SPMIP2: variants seen among roughly 807,000 people sequenced by gnomAD.
The protein encoded by SPMIP2 is protein SPMIP2.
the SPMIP2 span, among the ~76,000 whole-genome samples, chr4:158,899,405 T>G: frequency 6.6e-6 from 1 of 152,214 alleles, no homozygotes; most frequent in African/African-American, 2.4e-5. Context: ...TTTCTATTGT[T>G]TGGAATAGTT....
At chr4:159,060,911 C>G in the SPMIP2 span, among the ~76,000 whole-genome samples, 1 of 151,840 alleles carries the variant, frequency 6.6e-6, no homozygotes, top group Non-Finnish European at 1.5e-5. Flanking sequence ...ATGGCAAAAT[C>G]CTATATTAAG....
chr4:158,906,231 G>A, the SPMIP2 span: 4 of 152,120 alleles, frequency 2.6e-5, no homozygotes, highest in African/African-American at 9.7e-5. Flanking sequence ...GAGAGAGAAG[G>A]AACCTCACCT....
chr4:158,969,115 T>G, the SPMIP2 span, among the ~76,000 whole-genome samples: 1 of 152,260 alleles, frequency 6.6e-6, no homozygotes, highest in Non-Finnish European at 1.5e-5. Flanking sequence ...TGAGTCATCA[T>G]GTCCAGTGTA....
the SPMIP2 span, among the ~76,000 whole-genome samples, chr4:159,000,892 A>G: frequency 6.6e-6 from 1 of 152,212 alleles, no homozygotes; most frequent in Admixed American, 6.6e-5. Flanking sequence ...TATTGTACAG[A>G]TATGTAACAT....
chr4:158,996,762 G>A, the SPMIP2 span, among the ~76,000 whole-genome samples: 1 of 152,162 alleles, frequency 6.6e-6, no homozygotes, highest in Non-Finnish European at 1.5e-5. Flanking sequence ...ATACAATGAT[G>A]TTCAAGAGGG....
chr4:158,945,564 T>C, the SPMIP2 span, among the ~76,000 whole-genome samples: 2 of 152,332 alleles, frequency 1.3e-5, no homozygotes, highest in African/African-American at 4.8e-5. Context: ...ACTCTCTTTC[T>C]ATTAATAATT....
chr4:158,963,979 C>T, the SPMIP2 span, among the ~76,000 whole-genome samples: 6 of 151,922 alleles, frequency 3.9e-5, no homozygotes, highest in East Asian at 7.7e-4. Context: ...TACGGTGAAA[C>T]CCCAGCTCTA....
At chr4:159,072,581 G>A in the SPMIP2 span, among the ~76,000 whole-genome samples, 2 of 149,388 alleles carry the variant, frequency 1.3e-5, no homozygotes, top group African/African-American at 4.9e-5. Flanking sequence ...TCCTGCCTCA[G>A]CTCCCCGAGC....
At chr4:158,976,055 G>A in the SPMIP2 span, among the ~76,000 whole-genome samples, 1,526 of 152,140 alleles carry the variant, frequency 0.01, 25 homozygotes, top group African/African-American at 0.034. Context: ...TATTCTCTTT[G>A]TAGCAATTGT....
the SPMIP2 span, among the ~76,000 whole-genome samples, chr4:159,005,170 CGA>C: frequency 1.9e-5 from 2 of 103,080 alleles, no homozygotes; most frequent in Non-Finnish European, 3.9e-5. Context: ...TGCAGTGAGC[CGA>C]GATCGCGCCA....
chr4:158,921,962 A>C, the SPMIP2 span, among the ~76,000 whole-genome samples: 1 of 140,704 alleles, frequency 7.1e-6, no homozygotes. Context: ...ATCTTGGCTC[A>C]CTGCAAGTTC....
At chr4:158,905,251 T>G in the SPMIP2 span, 1 of 152,282 alleles carries the variant, frequency 6.6e-6, no homozygotes, top group African/African-American at 2.4e-5. Context: ...AACCCAAGAA[T>G]CAATGTAGCC....
At chr4:158,901,453 A>G in the SPMIP2 span, among the ~76,000 whole-genome samples, 1 of 151,562 alleles carries the variant, frequency 6.6e-6, no homozygotes, top group African/African-American at 2.4e-5. Context: ...CGTGAATCTG[A>G]CCATTATGTG....
the SPMIP2 span, among the ~76,000 whole-genome samples, chr4:158,994,038 C>A: frequency 6.6e-6 from 1 of 152,214 alleles, no homozygotes; most frequent in Non-Finnish European, 1.5e-5. Context: ...GAGAACCTAT[C>A]TAATCCCTTC....
chr4:159,036,185 T>C, the SPMIP2 span, among the ~76,000 whole-genome samples: 1 of 152,236 alleles, frequency 6.6e-6, no homozygotes, highest in South Asian at 2.1e-4. Flanking sequence ...TAATATCTTT[T>C]ATATTTTGAG....
chr4:159,065,777 T>C, the SPMIP2 span, among the ~76,000 whole-genome samples: 1 of 152,036 alleles, frequency 6.6e-6, no homozygotes, highest in African/African-American at 2.4e-5. Flanking sequence ...ATCTGGAGAG[T>C]GGGTAACAAT....
At chr4:158,918,284 G>T in the SPMIP2 span, among the ~76,000 whole-genome samples, 1 of 152,214 alleles carries the variant, frequency 6.6e-6, no homozygotes, top group Non-Finnish European at 1.5e-5. Flanking sequence ...CTGCTCTACA[G>T]CCTCTTTCCG....
At chr4:158,986,742 T>C in the SPMIP2 span, among the ~76,000 whole-genome samples, 2 of 152,102 alleles carry the variant, frequency 1.3e-5, no homozygotes, top group Admixed American at 6.6e-5. Flanking sequence ...ATGTCTAAAA[T>C]GCCAAAAGCA....
the SPMIP2 span, among the ~76,000 whole-genome samples, chr4:158,908,515 TGGTCACTTGG>T: frequency 6.6e-6 from 1 of 152,196 alleles, no homozygotes; most frequent in African/African-American, 2.4e-5. Context: ...TAGCAAGAAG[TGGTCACTTGG>T]TCTTTACCAA....
Sources: gnomAD v4.1 joint callset for allele counts (sites outside exome capture counted in the v4.1 genomes callset) on GRCh38, gnomAD v4.1.1 for gene constraint, MANE v1.5 for transcripts, NCBI Gene and HGNC (gene_info 2026-07-23, HGNC 2026-07-21) for gene names.